EBPL: variants seen among roughly 807,000 people sequenced by gnomAD.
The protein encoded by EBPL is emopamil-binding protein-like.
In EBPL, 20 loss-of-function variants were observed where a neutral mutation model predicts 19.0. That is an observed-to-expected ratio of 1.05 (90% CI 0.74 to 1.53). The LOEUF is 1.53. Among genes scored for constraint, EBPL ranks in the 40% most tolerant of loss-of-function variants. The pLI, the probability that EBPL is intolerant of heterozygous loss-of-function variation, is 0.00. For synonymous variants in EBPL, 107 were observed against 117.0 expected (o/e 0.91, Z 0.55); for missense variants, 219 against 261.1 (o/e 0.84, Z 1.11).
intron 3 of EBPL, among the ~76,000 whole-genome samples, chr13:49,662,349 C>A (rs1398581557): frequency 6.6e-6 from 1 of 152,148 alleles, no homozygotes; most frequent in Non-Finnish European, 1.5e-5. Flanking sequence ...GAGAAGATTT[C>A]CTATTTATCT....
intron 1 of EBPL, among the ~76,000 whole-genome samples, chr13:49,679,746 T>A (rs1404090400): frequency 6.6e-6 from 1 of 151,964 alleles, no homozygotes; most frequent in Non-Finnish European, 1.5e-5. Flanking sequence ...CTCAAGCGCC[T>A]CCTCCCTCAG....
intron 1 of EBPL, among the ~76,000 whole-genome samples, chr13:49,678,345 C>A (rs1356407075): frequency 4.6e-5 from 7 of 152,252 alleles, no homozygotes; most frequent in Admixed American, 3.9e-4. Flanking sequence ...ACTCCTCAGC[C>A]CTTGGGCGGT....
intron 1 of EBPL, among the ~76,000 whole-genome samples, chr13:49,690,374 A>C (rs1954048182): frequency 6.6e-6 from 1 of 151,000 alleles, no homozygotes; most frequent in Non-Finnish European, 1.5e-5. Context: ...CTTTGGCTTC[A>C]CATTAGCCAC....
chr13:49,671,959 A>G (rs533740526), intron 1 of EBPL, among the ~76,000 whole-genome samples: 1 of 152,268 alleles, frequency 6.6e-6, no homozygotes, highest in East Asian at 1.9e-4. Flanking sequence ...AGCTCTACTC[A>G]TTTTTCAAAT....
chr13:49,669,800 G>C lies in EBPL; in HGVS notation c.218C>G (p.Ser73Cys). The C allele has an allele frequency of 6.2e-7, 1 of 1,614,122 alleles. No homozygotes were observed. Among genetic ancestry groups the C allele is most frequent in the Non-Finnish European group, 8.5e-7 (1 of 1,179,990 alleles). ...ACATAAAGAAGCAATCAAGCCATCGGAATTTGCAACGTTTCCTACTAAAGA... is the reference window on the plus strand; with the variant it reads ...ACATAAAGAAGCAATCAAGCCATCGCAATTTGCAACGTTTCCTACTAAAGA... ...YLSLVGNVAN[S>C]DGLIASLWKE... The change falls in exon 2 of 4, where the codon TCC becomes TGC. Residue 73 changes from serine to cysteine, a missense_variant. Transcript: ENST00000242827.
chr13:49,669,718 G>A (rs778485578), intron 2 of EBPL, 59 bp downstream of exon 2: 270 of 1,463,384 alleles, frequency 1.8e-4, no homozygotes, highest in Non-Finnish European at 2.4e-4. Context: ...GCGTTTGACA[G>A]TCACACTTGC....
intron 1 of EBPL, among the ~76,000 whole-genome samples, chr13:49,675,449 G>C (rs1056097456): frequency 2.6e-5 from 4 of 152,160 alleles, no homozygotes; most frequent in Non-Finnish European, 5.9e-5. Flanking sequence ...GACTGTATTT[G>C]TCCTTTCATG....
At chr13:49,682,531 C>T (rs1953953426) in intron 1 of EBPL, among the ~76,000 whole-genome samples, 1 of 152,216 alleles carries the variant, frequency 6.6e-6, no homozygotes, top group Non-Finnish European at 1.5e-5. Context: ...AGGTGCCTTA[C>T]ATCTTTGCCA....
At chr13:49,678,716 G>T (rs1470669137) in intron 1 of EBPL, among the ~76,000 whole-genome samples, 1 of 152,158 alleles carries the variant, frequency 6.6e-6, no homozygotes, top group African/African-American at 2.4e-5. Flanking sequence ...CCAGCCCAGA[G>T]AGGGGCTCCC....
chr13:49,679,713 G>A (rs1225435173), intron 1 of EBPL, among the ~76,000 whole-genome samples: 1 of 151,972 alleles, frequency 6.6e-6, no homozygotes, highest in African/African-American at 2.4e-5. Flanking sequence ...TTATGTGGTT[G>A]AGGTTGGTCT....
intron 2 of EBPL, chr13:49,668,163 T>A: frequency 6.5e-6 from 1 of 153,106 alleles, no homozygotes; most frequent in East Asian, 1.9e-4. Context: ...ATGACACCTT[T>A]TCCTTTGGGA....
At chr13:49,688,115 T>C (rs1451898944) in intron 1 of EBPL, among the ~76,000 whole-genome samples, 2 of 152,196 alleles carry the variant, frequency 1.3e-5, no homozygotes, top group Non-Finnish European at 2.9e-5. Flanking sequence ...GCAGAAGAGA[T>C]AAAATTTTAT....
Position 49,678,649 on chromosome 13 carries a change from G to A in EBPL, c.172-8803C>T, listed in dbSNP as rs144613537. Among the ~76,000 whole-genome samples the A allele has an allele frequency of 8.4e-4, 128 of 151,722 alleles. No individual in the cohort carries two copies. In the East Asian group the frequency reaches 0.018, roughly 22 times the overall value. ...AGCGCCGTGCGCAGCCCGGGTTCTC[G>A]CCGGCGCCTCTCCCTCCACACCTCT... On this transcript the variant is annotated intron_variant, in intron 1 of 3. Coordinates refer to ENST00000242827, the MANE Select transcript of EBPL (RefSeq NM_032565.5).
intron 1 of EBPL, among the ~76,000 whole-genome samples, chr13:49,685,188 G>C (rs1002511160): frequency 6.6e-6 from 1 of 152,190 alleles, no homozygotes; most frequent in Non-Finnish European, 1.5e-5. Flanking sequence ...ATCAGATATT[G>C]AACTACATTA....
intron 1 of EBPL, among the ~76,000 whole-genome samples, chr13:49,676,356 C>A (rs1236012308): frequency 5.9e-5 from 9 of 152,180 alleles, no homozygotes; most frequent in Non-Finnish European, 1.0e-4. Flanking sequence ...CTTTGGGAGG[C>A]TGAGGCGGAC....
rs374483573 is a variant in EBPL at position 49,661,924 on chromosome 13, G to A, written c.381-716C>T. On this transcript the variant is annotated intron_variant, in intron 3 of 3. Transcript: ENST00000242827. The stretch of plus-strand genomic sequence containing the variant: ...CAATCTATTCACCCCAGGCCACTCT[G>A]TCCCTAAGGAAAGAAAAGGAAGGAA... The A allele has an allele frequency of 1.7e-4, 260 of 1,550,308 alleles. 3 individuals carry two copies. The South Asian group carries it at 1.7e-3, about 10-fold the overall frequency.
chr13:49,674,075 C>T (rs1469288015), intron 1 of EBPL, among the ~76,000 whole-genome samples: 1 of 151,880 alleles, frequency 6.6e-6, no homozygotes, highest in Non-Finnish European at 1.5e-5. Flanking sequence ...TATAGTTTTA[C>T]AAAATTTTTG....
chr13:49,689,028 A>T (rs576674426), intron 1 of EBPL, among the ~76,000 whole-genome samples: 1 of 152,318 alleles, frequency 6.6e-6, no homozygotes, highest in Non-Finnish European at 1.5e-5. Context: ...TGGTTAAGTG[A>T]TCGTATTCAT....
chr13:49,662,260 T>C (rs894696521), intron 3 of EBPL, among the ~76,000 whole-genome samples: 18 of 152,160 alleles, frequency 1.2e-4, no homozygotes, highest in Non-Finnish European at 2.1e-4. Flanking sequence ...CCTCCCAAAG[T>C]GCTGGGATTA....
Sources: gnomAD v4.1 joint callset for allele counts (sites outside exome capture counted in the v4.1 genomes callset) on GRCh38, gnomAD v4.1.1 for gene constraint, MANE v1.5 for transcripts, NCBI Gene and HGNC (gene_info 2026-07-23, HGNC 2026-07-21) for gene names.